The following CERS6 variants were observed in gnomAD, a reference collection of about 807,000 sequenced individuals.
CERS6 encodes LAG1 homolog, ceramide synthase 6.
In CERS6, 26 loss-of-function variants were observed where a neutral mutation model predicts 56.8. The ratio of observed to expected loss-of-function variants is 0.46; its 90% CI spans 0.34 to 0.63. The LOEUF (loss-of-function observed/expected upper bound fraction) is 0.63, where lower values mean the gene tolerates loss of function less well. Ranked by LOEUF, CERS6 falls within the 30% of genes least tolerant of loss-of-function variation. The probability of loss-of-function intolerance (pLI) is 0.01; values close to 1 mark genes in which losing one functional copy is unlikely to be tolerated. For missense variants in CERS6, 415 were observed against 467.5 expected (o/e 0.89, Z 1.04); for synonymous variants, 164 against 173.3 (o/e 0.95, Z 0.42).
chr2:168,460,034 A>G (rs1693750426), intron 1 of CERS6, among the ~76,000 whole-genome samples: 1 of 152,080 alleles, frequency 6.6e-6, no homozygotes, highest in Non-Finnish European at 1.5e-5. Context: ...GCAGCCTCCT[A>G]ATTTATCTCT....
At chr2:168,665,900 A>G (rs1685745228) in intron 4 of CERS6, among the ~76,000 whole-genome samples, 2 of 151,760 alleles carry the variant, frequency 1.3e-5, no homozygotes, top group Admixed American at 1.3e-4. Context: ...TGGCAAAGTG[A>G]TGTTATTAAA....
chr2:168,747,856 C>CAT (rs397754887), intron 8 of CERS6, among the ~76,000 whole-genome samples: 1 of 149,764 alleles, frequency 6.7e-6, no homozygotes, highest in Non-Finnish European at 1.5e-5. Flanking sequence ...CACACACACA[C>CAT]GCATTTGCCA....
At chr2:168,684,910 T>C (rs1026798904) in intron 4 of CERS6, among the ~76,000 whole-genome samples, 1 of 151,696 alleles carries the variant, frequency 6.6e-6, no homozygotes, top group South Asian at 2.1e-4. Context: ...AGCATTTTTC[T>C]TATGTTTTTT....
At chr2:168,463,304 T>C (rs1693809934) in intron 1 of CERS6, among the ~76,000 whole-genome samples, 1 of 152,244 alleles carries the variant, frequency 6.6e-6, no homozygotes, top group South Asian at 2.1e-4. Flanking sequence ...TGATATAATC[T>C]GAATACTTTC....
chr2:168,608,239 A>T (rs1227431790), intron 3 of CERS6, among the ~76,000 whole-genome samples: 2 of 152,228 alleles, frequency 1.3e-5, no homozygotes, highest in African/African-American at 2.4e-5. Flanking sequence ...TTGAATGGAT[A>T]TACCTCACTT....
intron 3 of CERS6, among the ~76,000 whole-genome samples, chr2:168,616,370 A>G (rs11903240): frequency 0.012 from 1,869 of 152,332 alleles, 32 homozygotes; most frequent in African/African-American, 0.041. Context: ...AATGAATGCA[A>G]TAGTACCTCA....
At position 168,769,903 on chromosome 2, in the gene CERS6, G is replaced by A. The variant is rs1684820983; in HGVS notation, c.*241G>A. The A allele has an allele frequency of 6.5e-6, 3 of 459,576 alleles. No homozygotes were observed. Among genetic ancestry groups the A allele is most frequent in the African/African-American group, 4.2e-5 (2 of 48,180 alleles). The allele number at this position is 459,576 out of a possible 1,614,324, so 28.5% of individuals were successfully genotyped here. A position where few individuals can be genotyped will look rare whatever the true frequency, so the allele number is the denominator to read the frequency against. On this transcript the variant is annotated 3_prime_UTR_variant, in exon 10 of 10. Transcript: ENST00000305747. The stretch of plus-strand genomic sequence containing the variant: ...AGGGAACAGTATTTGCATTTGTACT[G>A]TCTTAGAATATTATTTATTTTTTTG...
chr2:168,552,487 A>G (rs1306187558), intron 2 of CERS6, among the ~76,000 whole-genome samples: 2 of 152,170 alleles, frequency 1.3e-5, no homozygotes, highest in Non-Finnish European at 2.9e-5. Context: ...ATTTCAAAAC[A>G]TATAAAGGCT....
At chr2:168,597,036 T>C (rs1285631959) in intron 3 of CERS6, among the ~76,000 whole-genome samples, 1 of 152,184 alleles carries the variant, frequency 6.6e-6, no homozygotes, top group African/African-American at 2.4e-5. Flanking sequence ...TTGGTGAACA[T>C]TGAAGTCAAT....
chr2:168,550,041 G>C (rs972344501), intron 2 of CERS6, among the ~76,000 whole-genome samples: 5 of 152,264 alleles, frequency 3.3e-5, no homozygotes, highest in Admixed American at 1.3e-4. Context: ...TACATAGTTT[G>C]TGGGGCCCAG....
chr2:168,510,093 TA>T (rs10629640), intron 1 of CERS6, among the ~76,000 whole-genome samples: 14,315 of 139,862 alleles, frequency 0.1, 760 homozygotes, highest in African/African-American at 0.14. Flanking sequence ...TAATAATTGG[TA>T]AAAAAAAAAA....
At chr2:168,598,333 T>G (rs1553497673) in intron 3 of CERS6, among the ~76,000 whole-genome samples, 1 of 152,134 alleles carries the variant, frequency 6.6e-6, no homozygotes, top group Non-Finnish European at 1.5e-5. Context: ...ACCTCGTTTT[T>G]GGGGGGAAGA....
At chr2:168,564,364 C>T (rs112084672) in intron 3 of CERS6, among the ~76,000 whole-genome samples, 16 of 152,240 alleles carry the variant, frequency 1.1e-4, no homozygotes, top group African/African-American at 1.9e-4. Flanking sequence ...TTTGTAAATT[C>T]GCCATTATAG....
chr2:168,672,586 A>G (rs1395095472), intron 4 of CERS6, among the ~76,000 whole-genome samples: 1 of 152,224 alleles, frequency 6.6e-6, no homozygotes, highest in Admixed American at 6.5e-5. Context: ...TTGGCCATCT[A>G]GTTTTTATTT....
chr2:168,556,945 A>G (rs1695689630), intron 2 of CERS6, among the ~76,000 whole-genome samples: 1 of 142,348 alleles, frequency 7.0e-6, no homozygotes, highest in Non-Finnish European at 1.5e-5. Context: ...GCTTGAGTCC[A>G]GGAGTTTGAG....
chr2:168,605,807 G>A (rs564662422), intron 3 of CERS6, among the ~76,000 whole-genome samples: 40 of 152,326 alleles, frequency 2.6e-4, no homozygotes, highest in African/African-American at 9.6e-4. Context: ...TGCACAGAGT[G>A]TAAGAGTTAA....
At chr2:168,691,149 G>T (rs1460547259) in intron 5 of CERS6, 65 bp downstream of exon 5, 2 of 1,476,918 alleles carry the variant, frequency 1.4e-6, no homozygotes, top group Admixed American at 3.4e-5. Context: ...CAATTTCATG[G>T]TCTCAGGCAG....
At chr2:168,505,882 G>A (rs953373438) in intron 1 of CERS6, among the ~76,000 whole-genome samples, 1 of 152,144 alleles carries the variant, frequency 6.6e-6, no homozygotes, top group African/African-American at 2.4e-5. Context: ...AAAGTGACCA[G>A]CTTCCTTGCA....
intron 4 of CERS6, among the ~76,000 whole-genome samples, chr2:168,678,370 A>G (rs762957001): frequency 6.6e-6 from 1 of 152,226 alleles, no homozygotes; most frequent in African/African-American, 2.4e-5. Flanking sequence ...ATGTGGAGGA[A>G]GCACACCTGC....
Sources: gnomAD v4.1 joint callset for allele counts (sites outside exome capture counted in the v4.1 genomes callset) on GRCh38, gnomAD v4.1.1 for gene constraint, MANE v1.5 for transcripts, NCBI Gene and HGNC (gene_info 2026-07-23, HGNC 2026-07-21) for gene names.